The following SPIDR variants were observed in gnomAD, a reference collection of about 807,000 sequenced individuals.
SPIDR encodes scaffold protein involved in DNA repair, also known as DNA repair-scaffolding protein.
SPIDR carries 93 observed loss-of-function variants against 104.6 expected under a neutral mutation model. The observed-to-expected ratio is 0.89, with a 90% confidence interval of 0.75 to 1.06. The LOEUF (loss-of-function observed/expected upper bound fraction) is 1.06, where lower values mean the gene tolerates loss of function less well. SPIDR is among the 50% of genes least tolerant of loss of function. The pLI is 0.00. For synonymous variants in SPIDR, 431 were observed against 416.9 expected, an observed-to-expected ratio of 1.03 and a Z score of -0.41; for missense variants, 1,154 against 1,111.2, an observed-to-expected ratio of 1.04 and a Z score of -0.55.
intron 9 of SPIDR, 66 bp downstream of exon 9, chr8:47,596,072 T>C: frequency 6.9e-7 from 1 of 1,442,040 alleles, no homozygotes; most frequent in Non-Finnish European, 9.4e-7. Context: ...TTGGAAGGGC[T>C]TCAGTGTAAG....
chr8:47,333,716 G>A (rs2154269639), intron 5 of SPIDR, among the ~76,000 whole-genome samples: 1 of 152,240 alleles, frequency 6.6e-6, no homozygotes, highest in Admixed American at 6.5e-5. Context: ...TTATACAGCT[G>A]GCAGCATACA....
At chr8:47,372,121 C>T (rs1242164830) in intron 5 of SPIDR, among the ~76,000 whole-genome samples, 9 of 152,160 alleles carry the variant, frequency 5.9e-5, no homozygotes, top group African/African-American at 2.2e-4. Flanking sequence ...CCACCCATGT[C>T]CCTGATCTAT....
At position 47,308,561 on chromosome 8, in the gene SPIDR, CTT is replaced by C. The variant is rs587622507; in HGVS notation, c.525+14533_525+14534del. On this transcript the variant is annotated intron_variant, in intron 5 of 19. Coordinates refer to ENST00000297423, the MANE Select transcript of SPIDR (RefSeq NM_001080394.4). ...TACAGTTGCTTTCAAATGCCGTAGT[CTT>C]TAACATCTGACTCCCAAAAGGGAAA... 1.8e-4 allele frequency among the ~76,000 whole-genome samples: 25 copies of C among 141,360 alleles called. No individual in the cohort carries two copies. The East Asian group carries it at 5.5e-3, about 31-fold the overall frequency. The allele number at this position is 141,360 out of a possible 152,430, so 92.7% of individuals were successfully genotyped here.
At chr8:47,311,766 T>G (rs1213511503) in intron 5 of SPIDR, among the ~76,000 whole-genome samples, 1 of 152,038 alleles carries the variant, frequency 6.6e-6, no homozygotes, top group African/African-American at 2.4e-5. Flanking sequence ...ATGTGCACAA[T>G]GTGCGGGTTT....
intron 10 of SPIDR, among the ~76,000 whole-genome samples, chr8:47,631,061 G>C (rs184524257): frequency 6.6e-6 from 1 of 152,156 alleles, no homozygotes; most frequent in Admixed American, 6.5e-5. Flanking sequence ...AGGGAGGGAC[G>C]GAGAGAGACA....
intron 6 of SPIDR, among the ~76,000 whole-genome samples, chr8:47,407,071 C>T (rs974208744): frequency 5.3e-5 from 8 of 152,152 alleles, no homozygotes; most frequent in African/African-American, 1.9e-4. Flanking sequence ...GATAACTTCT[C>T]TTTCTCTCTA....
chr8:47,729,015 C>G lies in SPIDR; in HGVS notation c.2518C>G (p.Arg840Gly). ...GCACCTGCAGGTCTTCCTGGACTGC[C>G]GCTCAAGACCGCAGTGCAGAGTGAA... ...KRHLQVFLDC[R>G]SRPQCRVKVK... Residue 840 changes from arginine (R) to glycine (G), a missense_variant, in exon 18 of 20, where the codon CGC (arginine) becomes GGC (glycine). Arg to Gly is a moderately radical substitution (Grantham distance 125). Coordinates refer to ENST00000297423, the MANE Select transcript of SPIDR (RefSeq NM_001080394.4). The G allele has an allele frequency of 1.9e-6, 3 of 1,613,968 alleles. No individual in the cohort carries two copies. The highest frequency in any genetic ancestry group is 2.5e-6 in the Non-Finnish European group (3 of 1,180,028).
At chr8:47,350,392 C>T (rs1189086079) in intron 5 of SPIDR, among the ~76,000 whole-genome samples, 1 of 152,224 alleles carries the variant, frequency 6.6e-6, no homozygotes, top group Non-Finnish European at 1.5e-5. Flanking sequence ...CGGCCCACTG[C>T]AACCTCTACC....
chr8:47,639,117 T>C (rs1351888716), intron 10 of SPIDR, among the ~76,000 whole-genome samples: 6 of 152,200 alleles, frequency 3.9e-5, no homozygotes, highest in African/African-American at 1.4e-4. Flanking sequence ...AATTTCTGTT[T>C]TTATAAAAGT....
intron 3 of SPIDR, among the ~76,000 whole-genome samples, chr8:47,286,778 A>G (rs983261388): frequency 6.6e-6 from 1 of 152,172 alleles, no homozygotes; most frequent in Non-Finnish European, 1.5e-5. Context: ...AATATAAATG[A>G]TTTTCAAACC....
chr8:47,543,680 A>G (rs555765895), intron 8 of SPIDR, among the ~76,000 whole-genome samples: 2 of 152,318 alleles, frequency 1.3e-5, no homozygotes, highest in Admixed American at 6.5e-5. Flanking sequence ...TAAAAAAATG[A>G]TGGCATTAGC....
intron 8 of SPIDR, among the ~76,000 whole-genome samples, chr8:47,462,242 C>T (rs1309695200): frequency 2.0e-5 from 3 of 152,184 alleles, no homozygotes; most frequent in African/African-American, 7.2e-5. Flanking sequence ...CGAGGGTTGT[C>T]TGCACAGAGT....
At chr8:47,640,276 C>T (rs1263077553) in intron 10 of SPIDR, among the ~76,000 whole-genome samples, 1 of 152,132 alleles carries the variant, frequency 6.6e-6, no homozygotes, top group Admixed American at 6.5e-5. Context: ...TTGACAGGTC[C>T]CAAGTCACAG....
chr8:47,718,833 T>C (rs10101448), intron 16 of SPIDR, among the ~76,000 whole-genome samples: 60 of 152,204 alleles, frequency 3.9e-4, no homozygotes, highest in Admixed American at 1.1e-3. Context: ...GTTAAATAGG[T>C]AGACGTGTGC....
intron 5 of SPIDR, among the ~76,000 whole-genome samples, chr8:47,347,367 C>A (rs2052346669): frequency 6.6e-6 from 1 of 152,102 alleles, no homozygotes; most frequent in Admixed American, 6.6e-5. Flanking sequence ...TTACTTCCGA[C>A]TATGTGGTGA....
At chr8:47,447,744 ATTG>A (rs1457605791) in intron 8 of SPIDR, among the ~76,000 whole-genome samples, 1 of 152,120 alleles carries the variant, frequency 6.6e-6, no homozygotes, top group Non-Finnish European at 1.5e-5. Context: ...AGCAAACTTT[ATTG>A]TTCTCTAAGA....
intron 11 of SPIDR, among the ~76,000 whole-genome samples, chr8:47,691,178 G>T (rs2078587381): frequency 6.6e-6 from 1 of 150,890 alleles, no homozygotes; most frequent in African/African-American, 2.4e-5. Flanking sequence ...TGTAATCCCA[G>T]CTACTGGGAG....
At chr8:47,495,206 A>T (rs2079255950) in intron 8 of SPIDR, among the ~76,000 whole-genome samples, 1 of 152,056 alleles carries the variant, frequency 6.6e-6, no homozygotes, top group African/African-American at 2.4e-5. Context: ...GCACATGTCC[A>T]GGAATTGAGC....
intron 9 of SPIDR, 89 bp downstream of exon 9, chr8:47,596,095 C>G: frequency 8.3e-7 from 1 of 1,204,566 alleles, no homozygotes; most frequent in Non-Finnish European, 1.2e-6. Context: ...AAGATGTTAG[C>G]CTTTTGTCTC....
Sources: gnomAD v4.1 joint callset for allele counts (sites outside exome capture counted in the v4.1 genomes callset) on GRCh38, gnomAD v4.1.1 for gene constraint, MANE v1.5 for transcripts, NCBI Gene and HGNC (gene_info 2026-07-23, HGNC 2026-07-21) for gene names.